TTLL5: variants seen among roughly 807,000 people sequenced by gnomAD.
TTLL5 encodes tubulin tyrosine ligase like 5.
In TTLL5, 132 loss-of-function variants were observed where a neutral mutation model predicts 168.4. The observed-to-expected ratio is 0.78, with a 90% CI of 0.68 to 0.91. TTLL5 has a LOEUF of 0.91. Ranked by LOEUF, TTLL5 falls within the 40% of genes least tolerant of loss-of-function variation. The pLI is 0.00. For synonymous variants in TTLL5, 546 were observed against 558.6 expected (o/e 0.98, Z 0.32); for missense variants, 1,545 against 1,581.5 (o/e 0.98, Z 0.39).
intron 31 of TTLL5, among the ~76,000 whole-genome samples, chr14:75,919,849 A>G (rs557040181): frequency 6.6e-6 from 1 of 152,208 alleles, no homozygotes; most frequent in South Asian, 2.1e-4. Context: ...AACCGGGTGC[A>G]GTGGCTCACA....
In TTLL5 at chr14:75,950,809, A is replaced by T. The variant is rs186356086; in HGVS notation, c.3824-3615A>T. 2.1e-3 allele frequency among the ~76,000 whole-genome samples: 315 copies of T among 152,148 alleles called. 5 individuals carry two copies. In the South Asian group the frequency reaches 0.026, roughly 13 times the overall value. ...ATAGGGAAACCTTGTCTCTATAAAA[A>T]TTTTAAAAATTATCCAAACCTGGTG... On this transcript the variant is annotated intron_variant, in intron 31 of 31. Transcript: ENST00000298832.
intron 28 of TTLL5, among the ~76,000 whole-genome samples, chr14:75,861,344 G>A (rs541989868): frequency 1.3e-5 from 2 of 152,254 alleles, no homozygotes; most frequent in South Asian, 2.1e-4. Flanking sequence ...GCAGAGGCCC[G>A]AAAAGACCAG....
chr14:75,943,735 A>T (rs2034683992), intron 31 of TTLL5, among the ~76,000 whole-genome samples: 1 of 152,222 alleles, frequency 6.6e-6, no homozygotes, highest in African/African-American at 2.4e-5. Context: ...AATAATAGAT[A>T]ACAGTGTTAG....
intron 28 of TTLL5, among the ~76,000 whole-genome samples, chr14:75,860,534 G>A (rs1897345336): frequency 6.6e-6 from 1 of 152,226 alleles, no homozygotes; most frequent in South Asian, 2.1e-4. Flanking sequence ...AACCACTGTT[G>A]ATGGGCTTTC....
At chr14:75,771,094 C>T (rs969925607) in intron 20 of TTLL5, among the ~76,000 whole-genome samples, 3 of 152,126 alleles carry the variant, frequency 2.0e-5, no homozygotes, top group Admixed American at 6.5e-5. Context: ...AGATTGAGTA[C>T]TTCTCCTGTC....
chr14:75,902,835 A>G (rs1021336192), intron 31 of TTLL5, among the ~76,000 whole-genome samples: 1 of 152,242 alleles, frequency 6.6e-6, no homozygotes, highest in African/African-American at 2.4e-5. Context: ...AGAAAATTGA[A>G]CAAATATTTA....
chr14:75,914,393 T>C (rs1029723169), intron 31 of TTLL5, among the ~76,000 whole-genome samples: 1 of 152,104 alleles, frequency 6.6e-6, no homozygotes, highest in Non-Finnish European at 1.5e-5. Flanking sequence ...ATAAAACTTT[T>C]CTGAAAAATA....
At chr14:75,749,132 A>ATT (rs1300202481) in intron 17 of TTLL5, among the ~76,000 whole-genome samples, 1 of 152,106 alleles carries the variant, frequency 6.6e-6, no homozygotes, top group Non-Finnish European at 1.5e-5. Context: ...TTTCTTGAAA[A>ATT]TTATATATAT....
At chr14:75,714,505 T>G (rs1887300340) in intron 9 of TTLL5, among the ~76,000 whole-genome samples, 2 of 152,226 alleles carry the variant, frequency 1.3e-5, no homozygotes, top group African/African-American at 2.4e-5. Flanking sequence ...CATTTTTCTG[T>G]GAGGAAGAGC....
intron 31 of TTLL5, among the ~76,000 whole-genome samples, chr14:75,937,759 C>T (rs1310983049): frequency 6.6e-6 from 1 of 152,196 alleles, no homozygotes; most frequent in East Asian, 1.9e-4. Context: ...ATTCAGCAAT[C>T]AATGGACACT....
At chr14:75,724,948 AG>A (rs1888096887) in intron 12 of TTLL5, among the ~76,000 whole-genome samples, 4 of 152,242 alleles carry the variant, frequency 2.6e-5, no homozygotes, top group African/African-American at 9.6e-5. Context: ...TGCTCTTTAA[AG>A]ATGTTGCTGC....
intron 28 of TTLL5, chr14:75,838,812 G>A: frequency 6.5e-6 from 1 of 152,786 alleles, no homozygotes; most frequent in East Asian, 1.9e-4. Flanking sequence ...TTGTTCCATT[G>A]GATCCTTGCT....
chr14:75,780,176 GTC>G (rs1891964580), intron 24 of TTLL5, among the ~76,000 whole-genome samples: 1 of 152,146 alleles, frequency 6.6e-6, no homozygotes. Context: ...ATATTCTTCT[GTC>G]TCTCTTAATG....
intron 31 of TTLL5, among the ~76,000 whole-genome samples, chr14:75,927,740 CT>C (rs1271158769): frequency 6.6e-6 from 1 of 152,156 alleles, no homozygotes; most frequent in African/African-American, 2.4e-5. Context: ...TGGCCTCACT[CT>C]CTTTTTCCCT....
rs76041106 is a variant in TTLL5 at position 75,781,254 on chromosome 14, A to T, written c.2516-1233A>T. On this transcript the variant is annotated intron_variant, in intron 24 of 31. Transcript: ENST00000298832. Reference sequence around the variant, plus strand: ...TTTGTGTTTTAAGGACTACCTTTACATAAGATCCATACCTGTGTAAACTTG... The same window carrying T: ...TTTGTGTTTTAAGGACTACCTTTACTTAAGATCCATACCTGTGTAAACTTG... Among the ~76,000 whole-genome samples the T allele has an allele frequency of 4.7e-3, 713 of 152,318 alleles. 8 individuals carry two copies. Among genetic ancestry groups the T allele is most frequent in the African/African-American group, 0.016 (682 of 41,568 alleles).
chr14:75,743,796 T>C (rs967875956), intron 15 of TTLL5, among the ~76,000 whole-genome samples: 2 of 151,976 alleles, frequency 1.3e-5, no homozygotes, highest in South Asian at 2.1e-4. Flanking sequence ...TTAGCCAGGA[T>C]GGTCTCAATC....
At chr14:75,881,166 A>G (rs995232759) in intron 29 of TTLL5, among the ~76,000 whole-genome samples, 3 of 152,158 alleles carry the variant, frequency 2.0e-5, no homozygotes, top group Non-Finnish European at 4.4e-5. Flanking sequence ...CACATGTCTC[A>G]GCCTCCCAAA....
intron 29 of TTLL5, among the ~76,000 whole-genome samples, chr14:75,870,578 C>T (rs1283546572): frequency 6.6e-6 from 1 of 152,160 alleles, no homozygotes; most frequent in African/African-American, 2.4e-5. Context: ...ATAGTAGGAG[C>T]ACTTGTATGG....
rs763596307 is a variant in TTLL5 at position 75,681,586 on chromosome 14, C to T, written c.223C>T (p.Arg75Cys). 9.3e-6 allele frequency: 15 copies of T among 1,613,430 alleles called. No homozygotes were observed. The highest frequency in any genetic ancestry group is 1.3e-5 in the African/African-American group (1 of 75,008). The change falls in exon 4 of 32, where the codon CGC becomes TGC. Residue 75 changes from arginine (R) to cysteine (C), a missense_variant. Coordinates refer to ENST00000298832, the MANE Select transcript of TTLL5 (RefSeq NM_015072.5). Reference protein sequence around the residue: ...LSYKIVRTDSRLVRSILTAHG... With the variant: ...LSYKIVRTDSCLVRSILTAHG... ...TTATAAGATTGTACGAACGGACAGT[C>T]GCCTAGTACGCAGCATTCTGACAGC...
Sources: allele counts gnomAD v4.1 joint callset (sites outside exome capture counted in the v4.1 genomes callset), GRCh38; gene constraint gnomAD v4.1.1; transcripts MANE v1.5; gene names NCBI Gene and HGNC (gene_info 2026-07-23, HGNC 2026-07-21).